Variants in GTSF1 observed in about 807,000 individuals in gnomAD.
GTSF1 encodes the protein gametocyte-specific factor 1.
GTSF1 carries 11 observed loss-of-function variants against 28.9 expected under a neutral mutation model. The ratio of observed to expected loss-of-function variants is 0.38; its 90% CI spans 0.24 to 0.63. The LOEUF is 0.63. Among genes scored for constraint, GTSF1 ranks in the 30% least tolerant of loss-of-function variants. The pLI, the probability that GTSF1 is intolerant of heterozygous loss-of-function variation, is 0.56. For synonymous variants in GTSF1, 69 were observed against 65.6 expected, an observed-to-expected ratio of 1.05 and a Z score of -0.25; for missense variants, 146 against 201.0, an observed-to-expected ratio of 0.73 and a Z score of 1.66.
At position 54,460,400 on chromosome 12, in the gene GTSF1, G is replaced by A. The variant is rs779828708; in HGVS notation, c.464C>T (p.Pro155Leu). 1.9e-6 allele frequency: 3 copies of A among 1,613,238 alleles called. No homozygotes were observed. The highest frequency in any genetic ancestry group is 1.7e-6 in the Non-Finnish European group (2 of 1,179,304). ...ASGMRVPKSL[P>L]YVLPWKNNGN... ...ACTGTTTTTCCATGGCAGAACATAC[G>A]GCAGAGATTTGGGAACTCGCATGCC... The change falls in exon 7 of 9, where the codon CCG (proline) becomes CTG (leucine). Residue 155 changes from proline to leucine, a missense_variant. Physicochemically the swap from Pro to Leu is moderately conservative, Grantham distance 98. Coordinates refer to ENST00000305879, the MANE Select transcript of GTSF1 (RefSeq NM_144594.3).
chr12:54,472,753 G>C (rs894302768), intron 1 of GTSF1: 1 of 152,078 alleles, frequency 6.6e-6, no homozygotes, highest in African/African-American at 2.4e-5. Context: ...TGATCAGCTA[G>C]AACTCTAGTT....
intron 8 of GTSF1, among the ~76,000 whole-genome samples, chr12:54,458,775 C>T (rs2120726328): frequency 6.9e-6 from 1 of 145,292 alleles, no homozygotes; most frequent in South Asian, 2.2e-4. Context: ...AAGCACAGCT[C>T]AATGATTAAT....
intron 1 of GTSF1, among the ~76,000 whole-genome samples, chr12:54,471,488 A>T (rs1387858518): frequency 1.3e-5 from 2 of 152,108 alleles, no homozygotes; most frequent in Non-Finnish European, 2.9e-5. Flanking sequence ...TCTTGGAATA[A>T]ATTCTAGGGC....
intron 2 of GTSF1, 75 bp from the exon 3 acceptor site, chr12:54,465,242 G>T (rs2120769067): frequency 1.1e-6 from 1 of 945,724 alleles, no homozygotes. Context: ...AGGCACACTG[G>T]ATTTTTTCAA....
At chr12:54,461,782 C>G (rs1398892394) in intron 6 of GTSF1, among the ~76,000 whole-genome samples, 2 of 152,006 alleles carry the variant, frequency 1.3e-5, no homozygotes, top group Non-Finnish European at 2.9e-5. Flanking sequence ...TAAAAATGAT[C>G]CAAGTGGTAT....
At chr12:54,464,855 G>T (rs550291101) in intron 3 of GTSF1, 13 of 378,168 alleles carry the variant, frequency 3.4e-5, no homozygotes, top group African/African-American at 2.4e-4. Flanking sequence ...AGGGTTCTTT[G>T]TCACTAGTTA....
intron 2 of GTSF1, among the ~76,000 whole-genome samples, chr12:54,467,308 TTTTTTTG>T (rs1336241966): frequency 6.6e-6 from 1 of 150,508 alleles, no homozygotes; most frequent in African/African-American, 2.5e-5. Context: ...TCCTGTGTGT[TTTTTTTG>T]TTTTTTGTTT....
chr12:54,462,406 C>G (rs1288483737), intron 5 of GTSF1, among the ~76,000 whole-genome samples: 1 of 152,038 alleles, frequency 6.6e-6, no homozygotes, highest in Non-Finnish European at 1.5e-5. Flanking sequence ...ACAGATGGTA[C>G]AACACAATTT....
chr12:54,467,459 C>T (rs530232618), intron 2 of GTSF1, among the ~76,000 whole-genome samples: 63 of 152,040 alleles, frequency 4.1e-4, no homozygotes, highest in African/African-American at 1.4e-3. Flanking sequence ...GGATTACAGG[C>T]ATCCACCACC....
rs144613429 is a variant in GTSF1 at position 54,457,167 on chromosome 12, T to G, written c.*21-1014A>C. On this transcript the variant is annotated intron_variant, in intron 8 of 8. Coordinates refer to ENST00000305879, the MANE Select transcript of GTSF1 (RefSeq NM_144594.3). Reference sequence around the variant, plus strand: ...ATAATGTCTGTGGCTGCTTAAGGATTCTTATCTAATCTAATTATTTTTCTG... The same window carrying G: ...ATAATGTCTGTGGCTGCTTAAGGATGCTTATCTAATCTAATTATTTTTCTG... 2.9e-3 allele frequency among the ~76,000 whole-genome samples: 448 copies of G among 152,340 alleles called. 2 individuals are homozygous for G. The highest frequency in any genetic ancestry group is 0.01 in the African/African-American group (417 of 41,578).
At chr12:54,463,928 G>A (rs937228581) in intron 3 of GTSF1, among the ~76,000 whole-genome samples, 5 of 152,068 alleles carry the variant, frequency 3.3e-5, no homozygotes, top group Non-Finnish European at 7.3e-5. Flanking sequence ...CTACTTTGCT[G>A]ACCAAGTTCC....
chr12:54,465,577 C>A (rs1243346752), intron 2 of GTSF1, among the ~76,000 whole-genome samples: 2 of 152,252 alleles, frequency 1.3e-5, no homozygotes, highest in Non-Finnish European at 2.9e-5. Flanking sequence ...TGTGCTAATA[C>A]ACTGATTTGG....
In GTSF1 at chr12:54,465,074, C is replaced by T. The variant is rs1565659909; in HGVS notation, c.110G>A (p.Cys37Tyr). The T allele has an allele frequency of 8.7e-6, 14 of 1,611,546 alleles. No homozygotes were observed. The highest frequency in any genetic ancestry group is 1.3e-5 in the African/African-American group (1 of 74,922). ...ACRFPYHLIK[C>Y]RKNHPDVASK... is the part of the protein sequence containing the mutation. ...GGCAAATTATGACCCTACCTTTCTG[C>T]ACTTGATAAGATGATAAGGAAACCT... is the stretch of plus-strand genomic sequence containing the variant. The change falls in exon 3 of 9, where the codon TGC becomes TAC. Residue 37 changes from cysteine (C) to tyrosine (Y), a missense_variant. By Grantham distance (194) the Cys-to-Tyr change is radical. Transcript: ENST00000305879.
At chr12:54,466,797 A>T (rs992906664) in intron 2 of GTSF1, 8 of 142,814 alleles carry the variant, frequency 5.6e-5, no homozygotes, top group East Asian at 4.1e-4. Context: ...GATTAAAAAA[A>T]TTTTTTTGAT....
At chr12:54,467,322 G>GTT (rs544650030) in intron 2 of GTSF1, among the ~76,000 whole-genome samples, 11,568 of 142,026 alleles carry the variant, frequency 0.081, 514 homozygotes, top group South Asian at 0.11. Flanking sequence ...TTTGTTTTTT[G>GTT]TTTTTTTTTT....
At chr12:54,463,453 G>A in intron 3 of GTSF1, 156 bp from the exon 4 acceptor site, 25 of 590,502 alleles carry the variant, frequency 4.2e-5, no homozygotes, top group South Asian at 6.5e-5. Flanking sequence ...AAACTAAGAG[G>A]GAATTATTTA....
chr12:54,461,957 A>T lies in GTSF1; in HGVS notation c.392+152T>A, dbSNP rs536872990. 453 of 591,228 alleles carry T rather than the reference A, an allele frequency of 7.7e-4. 1 individual carries two copies. Among genetic ancestry groups the T allele is most frequent in the Middle Eastern group, 2.6e-3 (10 of 3,816 alleles). 36.6% of individuals were successfully genotyped at this position (591,228 alleles called of 1,614,324 possible). A position where few individuals can be genotyped will look rare whatever the true frequency, so the allele number is the denominator to read the frequency against. On this transcript the variant is annotated intron_variant, in intron 6 of 8. Transcript: ENST00000305879. ...CATGACCTTTTTGAATCAAGGAATAAATATGAAAAAATGCCAAAACAATAT... is the reference window on the plus strand; with the variant it reads ...CATGACCTTTTTGAATCAAGGAATATATATGAAAAAATGCCAAAACAATAT...
intron 2 of GTSF1, among the ~76,000 whole-genome samples, chr12:54,470,052 A>G (rs2120801000): frequency 6.6e-6 from 1 of 152,236 alleles, no homozygotes; most frequent in African/African-American, 2.4e-5. Flanking sequence ...GCACACGCCT[A>G]TAACCCCAGC....
chr12:54,457,048 G>A (rs1272641884), intron 8 of GTSF1, among the ~76,000 whole-genome samples: 1 of 152,148 alleles, frequency 6.6e-6, no homozygotes, highest in Non-Finnish European at 1.5e-5. Context: ...TTGCGCCACT[G>A]CACTCCAGCC....
Sources: gnomAD v4.1 joint callset for allele counts (sites outside exome capture counted in the v4.1 genomes callset) on GRCh38, gnomAD v4.1.1 for gene constraint, MANE v1.5 for transcripts, NCBI Gene and HGNC (gene_info 2026-07-23, HGNC 2026-07-21) for gene names.